STAM2: variants seen among roughly 807,000 people sequenced by gnomAD.
STAM2 encodes signal transducing adapter molecule 2.
STAM2 carries 51 observed loss-of-function variants against 65.6 expected under a neutral mutation model. The ratio of observed to expected loss-of-function variants is 0.78; its 90% CI spans 0.62 to 0.98. The LOEUF (loss-of-function observed/expected upper bound fraction) is 0.98. Ranked by LOEUF, STAM2 falls within the 50% of genes least tolerant of loss-of-function variation. The pLI is 0.00. For missense variants in STAM2, 584 were observed against 617.8 expected (o/e 0.95, Z 0.58); for synonymous variants, 198 against 208.4 (o/e 0.95, Z 0.43).
intron 11 of STAM2, among the ~76,000 whole-genome samples, chr2:152,128,703 A>G (rs1344345811): frequency 6.6e-6 from 1 of 152,222 alleles, no homozygotes; most frequent in Non-Finnish European, 1.5e-5. Context: ...AGTCTGGAAC[A>G]TAGTTAAGTC....
At chr2:152,146,479 T>C (rs373000557) in intron 5 of STAM2, among the ~76,000 whole-genome samples, 5 of 152,136 alleles carry the variant, frequency 3.3e-5, no homozygotes, top group African/African-American at 1.2e-4. Context: ...CATCCCTGCC[T>C]CCACACCCCA....
chr2:152,139,885 C>T (rs1689214688), intron 7 of STAM2, among the ~76,000 whole-genome samples: 1 of 151,852 alleles, frequency 6.6e-6, no homozygotes, highest in African/African-American at 2.4e-5. Flanking sequence ...TTTAAAAATA[C>T]AATATAATGA....
chr2:152,161,896 C>G (rs1425563251), intron 1 of STAM2, among the ~76,000 whole-genome samples: 1 of 151,842 alleles, frequency 6.6e-6, no homozygotes, highest in African/African-American at 2.4e-5. Flanking sequence ...GATCTTGGCT[C>G]ACTGCAACCT....
chr2:152,151,501 C>A (rs1256988574), intron 1 of STAM2, among the ~76,000 whole-genome samples: 1 of 152,168 alleles, frequency 6.6e-6, no homozygotes, highest in Non-Finnish European at 1.5e-5. Flanking sequence ...TTTTTTAAGA[C>A]AGCTTTATCG....
At chr2:152,170,448 A>G (rs1309369020) in intron 1 of STAM2, among the ~76,000 whole-genome samples, 4 of 149,298 alleles carry the variant, frequency 2.7e-5, no homozygotes, top group Non-Finnish European at 5.9e-5. Context: ...GCGCCACTGC[A>G]CTCCAGCCTG....
intron 1 of STAM2, among the ~76,000 whole-genome samples, chr2:152,164,530 CA>C (rs1176809680): frequency 6.6e-6 from 1 of 152,118 alleles, no homozygotes; most frequent in Non-Finnish European, 1.5e-5. Context: ...TTAGTAGGGA[CA>C]GGGTTTTTCC....
At chr2:152,127,727 T>A (rs1323118488) in intron 11 of STAM2, among the ~76,000 whole-genome samples, 3 of 152,218 alleles carry the variant, frequency 2.0e-5, no homozygotes, top group Non-Finnish European at 4.4e-5. Context: ...TGCTTTATTA[T>A]GTAATAACAA....
At chr2:152,166,213 C>T (rs1175161230) in intron 1 of STAM2, among the ~76,000 whole-genome samples, 2 of 152,060 alleles carry the variant, frequency 1.3e-5, no homozygotes, top group African/African-American at 4.8e-5. Context: ...CAATGACATA[C>T]CCACTAGAAT....
At chr2:152,150,053 A>G in intron 2 of STAM2, 92 bp downstream of exon 2, 2 of 844,662 alleles carry the variant, frequency 2.4e-6, no homozygotes, top group Admixed American at 2.2e-5. Flanking sequence ...CAACTGTGAT[A>G]AAGTCTCATT....
At chr2:152,150,258 TGA>T in intron 1 of STAM2, 29 bp from the exon 2 acceptor site, 1 of 1,396,752 alleles carries the variant, frequency 7.2e-7, no homozygotes, top group Non-Finnish European at 1.0e-6. Context: ...TACACAACAA[TGA>T]GGACACATCT....
rs1162441884 is a variant in STAM2 at position 152,118,460 on chromosome 2, A to ATATATATATATG, written c.*2113_*2114insCATATATATATA. On this transcript the variant is annotated 3_prime_UTR_variant, in exon 14 of 14. Coordinates refer to ENST00000263904, the MANE Select transcript of STAM2 (RefSeq NM_005843.6). ...ATACTATATATTTATATATATATAT[A>ATATATATATATG]TGTGTCATGTTTTATTATTCTAAAA... is the stretch of plus-strand genomic sequence containing the variant. 55 of 149,172 alleles carry ATATATATATATG rather than the reference A, an allele frequency of 3.7e-4. No homozygotes were observed. Among genetic ancestry groups the ATATATATATATG allele is most frequent in the African/African-American group, 1.1e-3 (44 of 40,754 alleles). 9.2% of individuals were successfully genotyped at this position (149,172 alleles called of 1,614,324 possible). A position where few individuals can be genotyped will look rare whatever the true frequency, so the allele number is the denominator to read the frequency against.
chr2:152,144,376 C>T (rs1447135649), intron 6 of STAM2, among the ~76,000 whole-genome samples: 1 of 151,898 alleles, frequency 6.6e-6, no homozygotes, highest in African/African-American at 2.4e-5. Flanking sequence ...AAAGGTAGCA[C>T]ATCAAATACA....
intron 1 of STAM2, among the ~76,000 whole-genome samples, chr2:152,161,046 G>T (rs963443761): frequency 2.0e-5 from 3 of 152,236 alleles, no homozygotes; most frequent in African/African-American, 7.2e-5. Flanking sequence ...GCGGTTTTGT[G>T]GAATAGAAGG....
chr2:152,134,616 T>G (rs921760461), intron 8 of STAM2, among the ~76,000 whole-genome samples: 1 of 152,188 alleles, frequency 6.6e-6, no homozygotes, highest in Non-Finnish European at 1.5e-5. Context: ...GAGTCATTGT[T>G]AAGGTCAAAC....
In STAM2 at chr2:152,144,160, G is replaced by C. The variant is rs756955579; in HGVS notation, c.518-147C>G. ...AGTTAACTTTCGGGAGGGTGGGGCA[G>C]GGCAGGGAACCATGACATTTTTAAA... On this transcript the variant is annotated intron_variant, in intron 6 of 13. Coordinates refer to ENST00000263904, the MANE Select transcript of STAM2 (RefSeq NM_005843.6). The C allele has an allele frequency of 4.7e-6, 3 of 641,800 alleles. 1 individual carries two copies. The highest frequency in any genetic ancestry group is 7.8e-6 in the Non-Finnish European group (3 of 382,424). 39.8% of individuals were successfully genotyped at this position (641,800 alleles called of 1,614,324 possible). A position where few individuals can be genotyped will look rare whatever the true frequency, so the allele number is the denominator to read the frequency against.
chr2:152,168,904 A>T (rs1689846869), intron 1 of STAM2, among the ~76,000 whole-genome samples: 1 of 152,232 alleles, frequency 6.6e-6, no homozygotes, highest in Admixed American at 6.5e-5. Context: ...TCCTCCGCAG[A>T]CCTTATACAA....
At chr2:152,122,483 TAA>T (rs1317059394) in intron 13 of STAM2, among the ~76,000 whole-genome samples, 2 of 152,110 alleles carry the variant, frequency 1.3e-5, no homozygotes, top group Admixed American at 1.3e-4. Context: ...CTGCTTGCAA[TAA>T]AAGAGAATTA....
intron 1 of STAM2, among the ~76,000 whole-genome samples, chr2:152,152,129 C>T (rs1314990899): frequency 9.9e-5 from 15 of 152,134 alleles, no homozygotes; most frequent in South Asian, 2.1e-4. Context: ...TTTGTGGAGA[C>T]GGGGTTTTGC....
intron 1 of STAM2, among the ~76,000 whole-genome samples, chr2:152,164,044 G>A (rs893440406): frequency 2.6e-5 from 4 of 151,902 alleles, no homozygotes; most frequent in Non-Finnish European, 5.9e-5. Context: ...CCTACTCCCT[G>A]TTCGTACACC....
Sources: allele counts gnomAD v4.1 joint callset (sites outside exome capture counted in the v4.1 genomes callset), GRCh38; gene constraint gnomAD v4.1.1; transcripts MANE v1.5; gene names NCBI Gene and HGNC (gene_info 2026-07-23, HGNC 2026-07-21).